The following DHX9 variants were observed in gnomAD, a reference collection of about 807,000 sequenced individuals.
DHX9 encodes the protein ATP-dependent RNA helicase A.
In DHX9, 27 loss-of-function variants were observed where a neutral mutation model predicts 148.7. That is an observed-to-expected ratio of 0.18 (90% CI 0.13 to 0.25). The LOEUF is 0.25. DHX9 is among the 10% of genes least tolerant of loss of function. The pLI is 1.00. For synonymous variants in DHX9, 529 were observed against 516.6 expected (o/e 1.02, Z -0.33); for missense variants, 796 against 1,559.6 (o/e 0.51, Z 8.25).
At chr1:182,867,105 G>A in intron 14 of DHX9, 62 bp downstream of exon 14, 2 of 1,016,858 alleles carry the variant, frequency 2.0e-6, no homozygotes, top group Non-Finnish European at 2.8e-6. Flanking sequence ...GAAATCAGTA[G>A]AATGTCTTTG....
intron 12 of DHX9, among the ~76,000 whole-genome samples, chr1:182,861,335 AC>A (rs1188963579): frequency 2.0e-5 from 3 of 152,102 alleles, no homozygotes; most frequent in Non-Finnish European, 4.4e-5. Flanking sequence ...TTTCCGACTC[AC>A]CCCTAAAACT....
chr1:182,851,621 A>C (rs1668152245), intron 3 of DHX9, among the ~76,000 whole-genome samples: 1 of 152,152 alleles, frequency 6.6e-6, no homozygotes, highest in Non-Finnish European at 1.5e-5. Flanking sequence ...TATAGATCTC[A>C]GTTCTTCATC....
chr1:182,874,967 C>T lies in DHX9; in HGVS notation c.1815+13C>T. ...TGAGGATGATGATGTAAGTGAATTT[C>T]ATGAAGAATTTCCATTATGGGCAAA... On this transcript the variant is annotated intron_variant, in intron 16 of 27. Coordinates refer to ENST00000367549, the MANE Select transcript of DHX9 (RefSeq NM_001357.5). The T allele has an allele frequency of 6.3e-7, 1 of 1,598,254 alleles. No individual in the cohort carries two copies. Among genetic ancestry groups the T allele is most frequent in the South Asian group, 1.1e-5 (1 of 90,640 alleles).
At chr1:182,866,744 TATACCC>T (rs1262525277) in intron 13 of DHX9, among the ~76,000 whole-genome samples, 159 bp downstream of exon 13, 1 of 152,218 alleles carries the variant, frequency 6.6e-6, no homozygotes, top group Non-Finnish European at 1.5e-5. Flanking sequence ...GAAAGTATGA[TATACCC>T]ATTAGATCTT....
At chr1:182,881,099 A>G (rs1649066026) in intron 22 of DHX9, among the ~76,000 whole-genome samples, 165 bp from the exon 23 acceptor site, 1 of 152,164 alleles carries the variant, frequency 6.6e-6, no homozygotes. Flanking sequence ...TTTCTTTCTG[A>G]TTCTGAAGAG....
At chr1:182,875,166 T>G in intron 16 of DHX9, 3 of 583,304 alleles carry the variant, frequency 5.1e-6, no homozygotes, top group East Asian at 3.7e-5. Context: ...AAATTATCTC[T>G]GGCGTAAAGA....
chr1:182,878,575 T>C (rs1448028779), intron 20 of DHX9, among the ~76,000 whole-genome samples: 2 of 152,224 alleles, frequency 1.3e-5, no homozygotes, highest in Non-Finnish European at 2.9e-5. Context: ...TTGAACAGTG[T>C]ATGGCACATC....
chr1:182,872,034 G>A (rs1325349421), intron 14 of DHX9, among the ~76,000 whole-genome samples: 2 of 152,130 alleles, frequency 1.3e-5, no homozygotes, highest in Non-Finnish European at 2.9e-5. Context: ...TCGAACTCCC[G>A]ACCTCAGATT....
intron 19 of DHX9, 47 bp from the exon 20 acceptor site, chr1:182,877,970 GTTAT>G: frequency 6.2e-7 from 1 of 1,600,278 alleles, no homozygotes; most frequent in Non-Finnish European, 8.5e-7. Flanking sequence ...ATATATAATA[GTTAT>G]TGATAATACA....
At position 182,859,100 on chromosome 1, in the gene DHX9, G is replaced by C. The variant is rs369582240; in HGVS notation, c.1123G>C (p.Asp375His). ...KNELMYQLEQ[D>H]HDLQAILQER... is the part of the protein sequence containing the mutation. Reference sequence around the variant, plus strand: ...TGAATTGATGTACCAGTTGGAACAGGATCATGATTTGCAAGCAGTAAGTCT... The same window carrying C: ...TGAATTGATGTACCAGTTGGAACAGCATCATGATTTGCAAGCAGTAAGTCT... The change falls in exon 11 of 28, where the codon GAT becomes CAT. Residue 375 changes from aspartate (D) to histidine (H), a missense_variant. Transcript: ENST00000367549. 6.2e-7 allele frequency: 1 copy of C among 1,613,938 alleles called. No homozygotes were observed. The highest frequency in any genetic ancestry group is 1.3e-5 in the African/African-American group (1 of 74,934).
chr1:182,858,058 C>A, intron 7 of DHX9, 46 bp from the exon 8 acceptor site: 1 of 1,580,676 alleles, frequency 6.3e-7, no homozygotes, highest in Non-Finnish European at 8.6e-7. Context: ...TGTTTCTTTA[C>A]TCAGATGATT....
In DHX9 at chr1:182,848,373, A is replaced by G. The variant is rs1022553695; in HGVS notation, c.253-3860A>G. Among the ~76,000 whole-genome samples the G allele has an allele frequency of 3.3e-5, 5 of 152,228 alleles. No homozygotes were observed. The South Asian group carries it at 8.3e-4, about 25-fold the overall frequency. ...CCAGGGATGCTGCTAATGACCTACAATGCACTTGACAAACTCCTACAACAA... is the reference window on the plus strand; with the variant it reads ...CCAGGGATGCTGCTAATGACCTACAGTGCACTTGACAAACTCCTACAACAA... On this transcript the variant is annotated intron_variant, in intron 3 of 27. Transcript: ENST00000367549.
intron 1 of DHX9, among the ~76,000 whole-genome samples, chr1:182,840,715 G>A (rs950631347): frequency 3.3e-5 from 5 of 152,042 alleles, no homozygotes; most frequent in African/African-American, 1.2e-4. Context: ...TAAGGATTAA[G>A]TAAAATAGTT....
At chr1:182,859,845 T>G in intron 11 of DHX9, 148 bp from the exon 12 acceptor site, 1 of 645,976 alleles carries the variant, frequency 1.5e-6, no homozygotes, top group East Asian at 3.1e-5. Flanking sequence ...ACTCCTCACC[T>G]CATGATCCTC....
intron 19 of DHX9, chr1:182,877,749 CAAA>C (rs929133428): frequency 6.0e-6 from 2 of 331,410 alleles, no homozygotes. Context: ...TAATGTTTAC[CAAA>C]AAAACTATAA....
chr1:182,843,954 T>TA (rs1368886844), intron 3 of DHX9, among the ~76,000 whole-genome samples: 1 of 152,114 alleles, frequency 6.6e-6, no homozygotes, highest in African/African-American at 2.4e-5. Flanking sequence ...ATGCCACCAC[T>TA]TCTGGCAAGT....
intron 27 of DHX9, among the ~76,000 whole-genome samples, chr1:182,886,484 C>A (rs114216442): frequency 0.018 from 2,683 of 152,242 alleles, 69 homozygotes; most frequent in African/African-American, 0.056. Flanking sequence ...ACCTGAACCA[C>A]TGCACCCAGC....
Position 182,884,785 on chromosome 1 carries a change from G to A in DHX9, c.3433G>A (p.Gly1145Ser). The stretch of plus-strand genomic sequence containing the variant: ...TCAGATCTCTAGACCCTCAGCTGCT[G>A]GTATCAACCTTATGATTGGCAGTAC... ...IRQISRPSAA[G>S]INLMIGSTRY... The change falls in exon 27 of 28, where the codon GGT becomes AGT. Residue 1145 changes from glycine to serine, a missense_variant. By Grantham distance (56) the Gly-to-Ser change is moderately conservative. Transcript: ENST00000367549. 1 of 1,613,992 alleles carries A rather than the reference G, an allele frequency of 6.2e-7. No homozygotes were observed. Among genetic ancestry groups the A allele is most frequent in the Non-Finnish European group, 8.5e-7 (1 of 1,180,008 alleles).
chr1:182,840,199 G>A (rs1667895101), intron 1 of DHX9, among the ~76,000 whole-genome samples: 1 of 152,144 alleles, frequency 6.6e-6, no homozygotes, highest in Admixed American at 6.5e-5. Context: ...GGAGAGATGG[G>A]GAGAAACGAA....
Sources: gnomAD v4.1 joint callset for allele counts (sites outside exome capture counted in the v4.1 genomes callset) on GRCh38, gnomAD v4.1.1 for gene constraint, MANE v1.5 for transcripts, NCBI Gene and HGNC (gene_info 2026-07-23, HGNC 2026-07-21) for gene names.